Variants in CACNA1C observed in about 807,000 individuals in gnomAD.
The protein encoded by CACNA1C is calcium voltage-gated channel subunit alpha1 C, also known as voltage-dependent L-type calcium channel subunit alpha-1C.
CACNA1C carries 30 observed loss-of-function variants against 229.0 expected under a neutral mutation model. That is an observed-to-expected ratio of 0.13 (90% CI 0.10 to 0.18). CACNA1C has a LOEUF of 0.18. Ranked by LOEUF, CACNA1C falls within the 10% of genes least tolerant of loss-of-function variation. The pLI is 1.00. For synonymous variants in CACNA1C, 1,114 were observed against 1,132.5 expected (o/e 0.98, Z 0.33); for missense variants, 1,658 against 2,845.0 (o/e 0.58, Z 9.49).
At chr12:2,483,960 AT>A (rs374902369) in intron 5 of CACNA1C, among the ~76,000 whole-genome samples, 35 of 152,206 alleles carry the variant, frequency 2.3e-4, no homozygotes, top group African/African-American at 8.2e-4. Context: ...TATTTAGATG[AT>A]AAGTTTTGTC....
intron 3 of CACNA1C, among the ~76,000 whole-genome samples, chr12:2,400,739 A>C (rs779397012): frequency 2.0e-4 from 30 of 152,234 alleles, no homozygotes; most frequent in Non-Finnish European, 3.7e-4. Flanking sequence ...CAGGGGCCCC[A>C]TCTGGCCTGC....
chr12:2,393,486 T>C (rs529539509), intron 3 of CACNA1C, among the ~76,000 whole-genome samples: 1 of 152,322 alleles, frequency 6.6e-6, no homozygotes, highest in African/African-American at 2.4e-5. Flanking sequence ...TGTGTAACTT[T>C]GGGCAAGTGT....
At chr12:2,074,022 T>G (rs920017726) in intron 1 of CACNA1C, among the ~76,000 whole-genome samples, 1 of 152,180 alleles carries the variant, frequency 6.6e-6, no homozygotes, top group African/African-American at 2.4e-5. Flanking sequence ...GCGGCACCAC[T>G]GCAATTCTGG....
intron 3 of CACNA1C, among the ~76,000 whole-genome samples, chr12:2,387,486 AAAAGAAAG>A (rs150599021): frequency 0.062 from 9,430 of 151,914 alleles, 304 homozygotes; most frequent in African/African-American, 0.091. Context: ...CTCCATCTCA[AAAAGAAAG>A]AAAGAAAGAA....
At chr12:2,621,953 T>G (rs188874150) in intron 29 of CACNA1C, among the ~76,000 whole-genome samples, 4 of 152,162 alleles carry the variant, frequency 2.6e-5, no homozygotes, top group African/African-American at 7.2e-5. Flanking sequence ...CCTCTGAAGA[T>G]AGAAACTCCA....
chr12:2,578,068 C>G (rs1342511416), intron 13 of CACNA1C, among the ~76,000 whole-genome samples: 1 of 151,866 alleles, frequency 6.6e-6, no homozygotes, highest in African/African-American at 2.4e-5. Flanking sequence ...CGGGGTTTCA[C>G]CGTGTTAGCC....
intron 30 of CACNA1C, among the ~76,000 whole-genome samples, chr12:2,642,745 T>A (rs754899714): frequency 1.3e-5 from 2 of 152,248 alleles, no homozygotes; most frequent in Non-Finnish European, 2.9e-5. Context: ...TACTGGCACC[T>A]TGATTTCATT....
intron 3 of CACNA1C, among the ~76,000 whole-genome samples, chr12:2,126,121 G>GC (rs536064668): frequency 6.7e-6 from 1 of 149,882 alleles, no homozygotes; most frequent in Admixed American, 6.7e-5. Context: ...CCAGAATAGA[G>GC]TTTTTTTTTT....
At chr12:2,422,087 A>G (rs1595853286) in intron 3 of CACNA1C, among the ~76,000 whole-genome samples, 3 of 152,350 alleles carry the variant, frequency 2.0e-5, no homozygotes, top group African/African-American at 7.2e-5. Context: ...ATACCCATAA[A>G]TATCCCAAAA....
Position 2,444,514 on chromosome 12 carries a change from G to T in CACNA1C, c.478-4462G>T, listed in dbSNP as rs754683724. ...CCCAGCCTCTGCCCTTTTCTCTTTA[G>T]TCTGCACACTCTCCTCGTTCAGCCG... On this transcript the variant is annotated intron_variant, in intron 3 of 46. Coordinates refer to ENST00000399655, the MANE Select transcript of CACNA1C (RefSeq NM_000719.7). Among the ~76,000 whole-genome samples, 3 of 152,106 alleles carry T rather than the reference G, an allele frequency of 2.0e-5. No homozygotes were observed. In the South Asian group the frequency reaches 6.2e-4, roughly 32 times the overall value.
intron 10 of CACNA1C, among the ~76,000 whole-genome samples, chr12:2,551,949 A>G (rs2099905225): frequency 6.6e-6 from 1 of 152,204 alleles, no homozygotes. Context: ...TCAGCCCTGA[A>G]CAAGGGTGGA....
chr12:2,163,785 G>A (rs2154251948), intron 3 of CACNA1C, among the ~76,000 whole-genome samples: 1 of 152,250 alleles, frequency 6.6e-6, no homozygotes, highest in South Asian at 2.1e-4. Context: ...CAGTGATGAT[G>A]ATGGCTCGGC....
At chr12:1,986,092 C>T (rs567914660) in intron 1 of CACNA1C, among the ~76,000 whole-genome samples, 126 of 152,338 alleles carry the variant, frequency 8.3e-4, no homozygotes, top group Non-Finnish European at 1.3e-3. Context: ...GGATTACAGG[C>T]GTGAGCCACT....
In CACNA1C at chr12:2,290,783, C is replaced by T. The variant is rs534331157; in HGVS notation, c.478-158193C>T. ...GACTCCTACCAGCGTGGAATGGTAACCTCTGGAGGGGAGGTAGGTCTCCCA... is the reference window on the plus strand; with the variant it reads ...GACTCCTACCAGCGTGGAATGGTAATCTCTGGAGGGGAGGTAGGTCTCCCA... On this transcript the variant is annotated intron_variant, in intron 3 of 46. Coordinates refer to ENST00000399655, the MANE Select transcript of CACNA1C (RefSeq NM_000719.7). Among the ~76,000 whole-genome samples the T allele has an allele frequency of 1.2e-4, 19 of 152,278 alleles. No individual in the cohort carries two copies. In the South Asian group the frequency reaches 3.9e-3, roughly 32 times the overall value.
intron 11 of CACNA1C, among the ~76,000 whole-genome samples, chr12:2,558,924 C>A (rs929491): frequency 0.97 from 148,120 of 152,206 alleles, 72,184 homozygotes; most frequent in East Asian, 1. Flanking sequence ...TATTACAGAG[C>A]AAGAGCTCCA....
Position 2,595,764 on chromosome 12 carries a change from C to G in CACNA1C, c.2664-110C>G, listed in dbSNP as rs112860370. 2.0e-5 allele frequency: 20 copies of G among 1,006,524 alleles called. No homozygotes were observed. Among genetic ancestry groups the G allele is most frequent in the Non-Finnish European group, 2.9e-5 (20 of 682,652 alleles). 62.3% of individuals were successfully genotyped at this position (1,006,524 alleles called of 1,614,324 possible). A position where few individuals can be genotyped will look rare whatever the true frequency, so the allele number is the denominator to read the frequency against. On this transcript the variant is annotated intron_variant, in intron 19 of 46. Transcript: ENST00000399655. This position sits in a 1 kb window ranked among gnomAD's most constrained non-coding sequence, Gnocchi z 4.1. Reference sequence around the variant, plus strand: ...AGAGGTCACTTCAGGCCAACAAGCACCTGTTGCCAGCTGCTGGGGAGAGCT... The same window carrying G: ...AGAGGTCACTTCAGGCCAACAAGCAGCTGTTGCCAGCTGCTGGGGAGAGCT...
intron 1 of CACNA1C, among the ~76,000 whole-genome samples, chr12:2,002,328 TAG>T (rs1279775824): frequency 6.6e-6 from 1 of 152,236 alleles, no homozygotes; most frequent in Non-Finnish European, 1.5e-5. Context: ...TGGTCATAAT[TAG>T]TTTGCCTCCA....
chr12:2,471,792 C>G lies in CACNA1C; in HGVS notation c.757+14086C>G, dbSNP rs576935301. 3.9e-5 allele frequency among the ~76,000 whole-genome samples: 6 copies of G among 152,262 alleles called. No homozygotes were observed. In the South Asian group the frequency reaches 1.2e-3, roughly 32 times the overall value. On this transcript the variant is annotated intron_variant, in intron 5 of 46. Transcript: ENST00000399655. ...CCGCCTCCTGGGTTCAAGCAATTCT[C>G]TGCCTCAGCTCCCGAGTAGCTGGGA...
chr12:2,096,016 G>A (rs2073790787), intron 1 of CACNA1C, among the ~76,000 whole-genome samples: 2 of 152,174 alleles, frequency 1.3e-5, no homozygotes. Flanking sequence ...CTCTGGGCTA[G>A]GCACAGAGCC....
Sources: allele counts gnomAD v4.1 joint callset (sites outside exome capture counted in the v4.1 genomes callset), GRCh38; gene constraint gnomAD v4.1.1; non-coding constraint Gnocchi (gnomAD v3.1); transcripts MANE v1.5; gene names NCBI Gene and HGNC (gene_info 2026-07-23, HGNC 2026-07-21).